Variants in ARAP2 observed in about 807,000 individuals in gnomAD.
ARAP2 encodes ArfGAP with RhoGAP domain, ankyrin repeat and PH domain 2.
In ARAP2, 148 loss-of-function variants were observed where a neutral mutation model predicts 194.5. The observed-to-expected ratio is 0.76, with a 90% CI of 0.67 to 0.87. The LOEUF is 0.87. ARAP2 is among the 40% of genes least tolerant of loss of function. The probability of loss-of-function intolerance (pLI) is 0.00; values close to 1 mark genes in which losing one functional copy is unlikely to be tolerated. For missense variants in ARAP2, 2,128 were observed against 1,989.7 expected (o/e 1.07, Z -1.32); for synonymous variants, 695 against 683.5 (o/e 1.02, Z -0.26).
chr4:36,120,017 T>A (rs1722310671), intron 23 of ARAP2, among the ~76,000 whole-genome samples: 1 of 151,534 alleles, frequency 6.6e-6, no homozygotes. Flanking sequence ...TTTATGTAGG[T>A]TGAGAAACAA....
chr4:36,048,763 T>G (rs1722211688), intron 3 of ARAP2, among the ~76,000 whole-genome samples: 1 of 152,128 alleles, frequency 6.6e-6, no homozygotes. Context: ...CTTTTAAGTT[T>G]TTCGAGAAAT....
intron 5 of ARAP2, among the ~76,000 whole-genome samples, chr4:36,026,457 G>T (rs925537187): frequency 1.3e-5 from 2 of 152,202 alleles, no homozygotes; most frequent in African/African-American, 4.8e-5. Flanking sequence ...CTAAGGCACA[G>T]TGGGTGCTCA....
At chr4:36,109,908 C>A (rs1039419664) in intron 26 of ARAP2, among the ~76,000 whole-genome samples, 2 of 128,416 alleles carry the variant, frequency 1.6e-5, no homozygotes, top group Non-Finnish European at 3.1e-5. Context: ...TACTATTGAT[C>A]CCAATAACGG....
rs1195969006 is a variant in ARAP2, at chr4:36,159,426, G to A, written c.2522C>T (p.Ala841Val). 2 of 1,611,370 alleles carry A rather than the reference G, an allele frequency of 1.2e-6. No homozygotes were observed. Among genetic ancestry groups the A allele is most frequent in the South Asian group, 2.2e-5 (2 of 90,762 alleles). The stretch of plus-strand genomic sequence containing the variant: ...GGTGCTATGCACGGGGTCTCCGGTG[G>A]CACACATGACATCTGCTCCACTGAA... ...LLFSGADVMCATGDPVHSTPY... is the reference protein window; with the variant it reads ...LLFSGADVMCVTGDPVHSTPY... Residue 841 changes from alanine (A) to valine (V), a missense_variant, in exon 14 of 33, where the codon GCC (alanine) becomes GTC (valine). By Grantham distance (64) the Ala-to-Val change is moderately conservative (BLOSUM62 0). Transcript: ENST00000303965.
intron 6 of ARAP2, among the ~76,000 whole-genome samples, chr4:36,198,128 G>T (rs1009154557): frequency 1.1e-4 from 17 of 152,176 alleles, no homozygotes; most frequent in Non-Finnish European, 5.9e-5. Flanking sequence ...TTTATTGAGT[G>T]ATAGAATAGC....
intron 8 of ARAP2, among the ~76,000 whole-genome samples, chr4:36,013,647 T>C (rs944548270): frequency 6.6e-6 from 1 of 152,178 alleles, no homozygotes; most frequent in African/African-American, 2.4e-5. Context: ...TGACAGATCA[T>C]AGCAGGAAAT....
At chr4:36,109,635 T>C (rs1719330407) in intron 26 of ARAP2, among the ~76,000 whole-genome samples, 1 of 151,972 alleles carries the variant, frequency 6.6e-6, no homozygotes, top group Non-Finnish European at 1.5e-5. Context: ...CATAAGTTTG[T>C]TGTCTTCTAA....
intron 25 of ARAP2, 24 bp from the exon 26 acceptor site, chr4:36,114,311 C>CA (rs1262147300): frequency 6.9e-7 from 1 of 1,459,076 alleles, no homozygotes; most frequent in Admixed American, 1.9e-5. Context: ...AATATTTTTT[C>CA]AAAAAACGTG....
intron 2 of ARAP2, 63 bp downstream of exon 2, chr4:36,228,519 G>A: frequency 6.8e-7 from 1 of 1,466,742 alleles, no homozygotes; most frequent in Non-Finnish European, 9.2e-7. Context: ...AAATATAACT[G>A]TTAAAAAAAA....
intron 8 of ARAP2, among the ~76,000 whole-genome samples, chr4:36,179,619 G>A (rs1042040327): frequency 2.6e-5 from 4 of 152,148 alleles, no homozygotes; most frequent in African/African-American, 9.7e-5. Flanking sequence ...AGTTATCAAA[G>A]CAAAAGGAAA....
chr4:36,020,196 C>T (rs1343858527), intron 5 of ARAP2, among the ~76,000 whole-genome samples: 1 of 152,142 alleles, frequency 6.6e-6, no homozygotes, highest in Non-Finnish European at 1.5e-5. Context: ...AGATCAGCTG[C>T]TGTCAGGAGT....
chr4:36,016,047 T>C (rs1236952355), intron 6 of ARAP2: 1 of 152,042 alleles, frequency 6.6e-6, no homozygotes, highest in Non-Finnish European at 1.5e-5. Context: ...AGAAATCAAT[T>C]TAAAGTCTGC....
intron 6 of ARAP2, among the ~76,000 whole-genome samples, chr4:36,197,659 G>A (rs571267297): frequency 2.6e-4 from 40 of 152,358 alleles, no homozygotes; most frequent in African/African-American, 9.6e-4. Flanking sequence ...CAAGCCAGGT[G>A]TGGAGCAGTG....
intron 2 of ARAP2, among the ~76,000 whole-genome samples, chr4:36,053,039 A>C (rs1179741822): frequency 6.6e-6 from 1 of 151,900 alleles, no homozygotes; most frequent in Admixed American, 6.6e-5. Context: ...ATGGAGTCTC[A>C]TTTTGTTGCC....
chr4:36,135,265 T>C, intron 19 of ARAP2, among the ~76,000 whole-genome samples: 1 of 151,766 alleles, frequency 6.6e-6, no homozygotes, highest in East Asian at 1.9e-4. Context: ...TAATAAGGAA[T>C]GTAATCTTTT....
rs373639251 is a variant in ARAP2 at position 36,159,431 on chromosome 4, C to A, written c.2517G>T (p.Met839Ile). 4 of 1,611,658 alleles carry A rather than the reference C, an allele frequency of 2.5e-6. No homozygotes were observed. Among genetic ancestry groups the A allele is most frequent in the Non-Finnish European group, 1.7e-6 (2 of 1,178,320 alleles). ...TATGCACGGGGTCTCCGGTGGCACA[C>A]ATGACATCTGCTCCACTGAACAGCA... ...MALLFSGADV[M>I]CATGDPVHST... The change falls in exon 14 of 33, where the codon ATG becomes ATT. Residue 839 changes from methionine to isoleucine, a missense_variant. Physicochemically the swap from Met to Ile is conservative, Grantham distance 10. Coordinates refer to ENST00000303965, the MANE Select transcript of ARAP2 (RefSeq NM_015230.4).
At chr4:36,177,746 C>A in intron 9 of ARAP2, 81 bp downstream of exon 9, 2 of 1,346,452 alleles carry the variant, frequency 1.5e-6, no homozygotes, top group Non-Finnish European at 2.0e-6. Context: ...TAAGTAAAAT[C>A]ACTAATAATC....
intron 4 of ARAP2, 26 bp from the exon 5 acceptor site, chr4:36,212,513 A>C: frequency 1.3e-6 from 2 of 1,551,174 alleles, no homozygotes; most frequent in Non-Finnish European, 1.8e-6. Flanking sequence ...ACAAACAAAA[A>C]ACACATACTG....
intron 1 of ARAP2, among the ~76,000 whole-genome samples, chr4:36,242,418 CTT>C (rs1753693861): frequency 6.6e-6 from 1 of 152,192 alleles, no homozygotes; most frequent in Admixed American, 6.5e-5. Flanking sequence ...TTTCACCAAA[CTT>C]TCTCACAGTT....
Sources: gnomAD v4.1 joint callset for allele counts (sites outside exome capture counted in the v4.1 genomes callset) on GRCh38, gnomAD v4.1.1 for gene constraint, MANE v1.5 for transcripts, NCBI Gene and HGNC (gene_info 2026-07-23, HGNC 2026-07-21) for gene names.